Variants in RNF17 observed in about 807,000 individuals in gnomAD.
RNF17 encodes spermatogenesis associated 23.
In RNF17, 31 loss-of-function variants were observed where a neutral mutation model predicts 200.5. The observed-to-expected ratio is 0.15, with a 90% CI of 0.12 to 0.21. RNF17 has a LOEUF of 0.21. RNF17 is among the 10% of genes least tolerant of loss of function. The probability of loss-of-function intolerance (pLI) is 1.00; values close to 1 mark genes in which losing one functional copy is unlikely to be tolerated. For synonymous variants in RNF17, 606 were observed against 637.8 expected (o/e 0.95, Z 0.75); for missense variants, 1,628 against 1,905.1 (o/e 0.85, Z 2.71).
the RNF17 span, among the ~76,000 whole-genome samples, chr13:24,756,895 T>C: frequency 0.077 from 11,742 of 152,226 alleles, 643 homozygotes; most frequent in Non-Finnish European, 0.11. Context: ...AAAGACATCA[T>C]GATACCAAAT....
At chr13:24,782,609 G>C (rs935877174) in intron 6 of RNF17, among the ~76,000 whole-genome samples, 13 of 151,606 alleles carry the variant, frequency 8.6e-5, no homozygotes, top group African/African-American at 2.4e-4. Context: ...CTGAGATGGG[G>C]GGGGGATCTT....
intron 18 of RNF17, among the ~76,000 whole-genome samples, chr13:24,840,335 AAGT>A (rs1890484895): frequency 6.6e-6 from 1 of 152,302 alleles, no homozygotes; most frequent in South Asian, 2.1e-4. Flanking sequence ...AAAGAACTAA[AAGT>A]AGAACTACCA....
At chr13:24,838,710 C>T (rs923582355) in intron 18 of RNF17, among the ~76,000 whole-genome samples, 1 of 152,096 alleles carries the variant, frequency 6.6e-6, no homozygotes, top group African/African-American at 2.4e-5. Flanking sequence ...CCACAGCCAA[C>T]GTAATTCTGA....
chr13:24,880,350 C>T (rs1953777708), downstream of RNF17, among the ~76,000 whole-genome samples: 1 of 152,176 alleles, frequency 6.6e-6, no homozygotes, highest in South Asian at 2.1e-4. Context: ...TCACCTCCCA[C>T]GAGGTCCCTC....
At chr13:24,838,844 A>G (rs541240532) in intron 18 of RNF17, among the ~76,000 whole-genome samples, 1 of 152,328 alleles carries the variant, frequency 6.6e-6, no homozygotes, top group South Asian at 2.1e-4. Flanking sequence ...AGAGAAGGAA[A>G]GAAAGGGCAT....
At position 24,794,606 on chromosome 13, in the gene RNF17, C is replaced by T. The variant is rs138966613; in HGVS notation, c.1240+1260C>T. On this transcript the variant is annotated intron_variant, in intron 10 of 35. Transcript: ENST00000255324. ...GGGAGGATCACTTGAGCCTGGGAGG[C>T]GGAGGTAGCAATGAGCTGAGATCCC... Among the ~76,000 whole-genome samples the T allele has an allele frequency of 7.2e-5, 11 of 152,112 alleles. No homozygotes were observed. The East Asian group carries it at 1.2e-3, about 16-fold the overall frequency.
At chr13:24,761,007 C>G (rs1212913943), upstream of RNF17, among the ~76,000 whole-genome samples, 1 of 151,880 alleles carries the variant, frequency 6.6e-6, no homozygotes, top group East Asian at 1.9e-4. Flanking sequence ...AAAAGGGAAC[C>G]CTTATACAGT....
chr13:24,844,872 T>C (rs1318163895), intron 21 of RNF17, 70 bp downstream of exon 21: 1 of 1,566,022 alleles, frequency 6.4e-7, no homozygotes, highest in Non-Finnish European at 8.7e-7. Context: ...TCCCTGGAGT[T>C]AAAACAGTTT....
chr13:24,805,537 C>T (rs984336521), intron 15 of RNF17, among the ~76,000 whole-genome samples: 1 of 152,076 alleles, frequency 6.6e-6, no homozygotes, highest in Non-Finnish European at 1.5e-5. Flanking sequence ...AATTTCATTC[C>T]TTTATATGGC....
intron 17 of RNF17, 47 bp from the exon 18 acceptor site, chr13:24,831,811 G>A: frequency 6.5e-7 from 1 of 1,533,288 alleles, no homozygotes; most frequent in Non-Finnish European, 8.8e-7. Context: ...TCTAAAGTAG[G>A]TAGAAATTAA....
At chr13:24,871,949 T>C (rs1334455889) in intron 32 of RNF17, among the ~76,000 whole-genome samples, 1 of 134,168 alleles carries the variant, frequency 7.5e-6, no homozygotes, top group Admixed American at 8.0e-5. Flanking sequence ...ATTCTTGTTT[T>C]ATTGATGACT....
chr13:24,866,578 G>T (rs1893646274), intron 30 of RNF17, among the ~76,000 whole-genome samples: 1 of 152,116 alleles, frequency 6.6e-6, no homozygotes, highest in Non-Finnish European at 1.5e-5. Flanking sequence ...CATTTTCAAG[G>T]TTCATACATG....
At chr13:24,886,511 G>C in the RNF17 span, 2 of 484,992 alleles carry the variant, frequency 4.1e-6, no homozygotes, top group South Asian at 3.2e-5. Flanking sequence ...ACATCAGAGG[G>C]ATCAGTCTAG....
In RNF17 at chr13:24,764,171, A is replaced by G; in HGVS notation, c.-33A>G. 6.4e-7 allele frequency: 1 copy of G among 1,554,530 alleles called. No homozygotes were observed. Among genetic ancestry groups the G allele is most frequent in the Non-Finnish European group, 8.8e-7 (1 of 1,137,930 alleles). ...TGCCGCGAGGGCCGCCGGGACTCGC[A>G]CTCGGCGGTTGTTCCAGAAGAAAGA... On this transcript the variant is annotated 5_prime_UTR_variant, in exon 1 of 36. Transcript: ENST00000255324.
chr13:24,821,889 T>A (rs12856222), intron 15 of RNF17, among the ~76,000 whole-genome samples: 21,667 of 152,220 alleles, frequency 0.14, 2,043 homozygotes, highest in Admixed American at 0.26. Context: ...TTCTTTGTCA[T>A]CTCGCACGAA....
chr13:24,784,860 C>A (rs1882889083), intron 6 of RNF17, among the ~76,000 whole-genome samples: 1 of 152,050 alleles, frequency 6.6e-6, no homozygotes, highest in Admixed American at 6.6e-5. Context: ...GCACCTGCCA[C>A]CCGCCCAGCT....
chr13:24,842,849 G>T (rs1219990741), intron 19 of RNF17, among the ~76,000 whole-genome samples: 2 of 152,004 alleles, frequency 1.3e-5, no homozygotes, highest in East Asian at 3.9e-4. Context: ...GCTGGGCGTG[G>T]TGGCGTGCGT....
At chr13:24,880,784 T>A (rs1953792371), downstream of RNF17, among the ~76,000 whole-genome samples, 1 of 152,178 alleles carries the variant, frequency 6.6e-6, no homozygotes, top group Admixed American at 6.5e-5. Context: ...CACAACTACT[T>A]TTTTGCTTTC....
intron 34 of RNF17, among the ~76,000 whole-genome samples, chr13:24,878,872 A>G (rs1447750989): frequency 2.0e-5 from 3 of 152,174 alleles, no homozygotes; most frequent in African/African-American, 7.2e-5. Flanking sequence ...AATATTAACC[A>G]TCACAGTCAG....
Sources: gnomAD v4.1 joint callset for allele counts (sites outside exome capture counted in the v4.1 genomes callset) on GRCh38, gnomAD v4.1.1 for gene constraint, MANE v1.5 for transcripts, NCBI Gene and HGNC (gene_info 2026-07-23, HGNC 2026-07-21) for gene names.